COL4A1: variants seen among roughly 807,000 people sequenced by gnomAD.
COL4A1 encodes collagen type IV alpha 1 chain, also known as collagen alpha-1(IV) chain.
COL4A1 carries 40 observed loss-of-function variants against 216.6 expected under a neutral mutation model. The ratio of observed to expected loss-of-function variants is 0.18; its 90% CI spans 0.14 to 0.24. The LOEUF (loss-of-function observed/expected upper bound fraction) is 0.24. Ranked by LOEUF, COL4A1 falls within the 10% of genes least tolerant of loss-of-function variation. The pLI, the probability that COL4A1 is intolerant of heterozygous loss-of-function variation, is 1.00. For synonymous variants in COL4A1, 839 were observed against 810.7 expected (o/e 1.03, Z -0.59); for missense variants, 1,628 against 2,196.8 (o/e 0.74, Z 5.18).
chr13:110,297,795 G>T (rs1002459738), intron 1 of COL4A1, among the ~76,000 whole-genome samples: 3 of 152,176 alleles, frequency 2.0e-5, no homozygotes, highest in Non-Finnish European at 2.9e-5. Context: ...TCCTAATTCA[G>T]AGTAAGCGCT....
intron 1 of COL4A1, among the ~76,000 whole-genome samples, 190 bp downstream of exon 1, chr13:110,306,754 G>A (rs2139331185): frequency 6.6e-6 from 1 of 152,336 alleles, no homozygotes; most frequent in South Asian, 2.1e-4. Flanking sequence ...AACAAAGGAG[G>A]CTCGGTCCAC....
rs1334337576 is a variant in COL4A1 at position 110,207,553 on chromosome 13, CAGAG to C, written c.694-68_694-65del. On this transcript the variant is annotated intron_variant, in intron 12 of 51. Coordinates refer to ENST00000375820, the MANE Select transcript of COL4A1 (RefSeq NM_001845.6). This position sits in a 1 kb window ranked among gnomAD's most constrained non-coding sequence, Gnocchi z 4.4. ...ACAATTATGCAGACATGAAAAATTG[CAGAG>C]AGAGGTAAAAGCCTAAAATAAAACA... 4.5e-6 allele frequency: 6 copies of C among 1,329,738 alleles called. No individual in the cohort carries two copies. In the African/African-American group the frequency reaches 8.7e-5, roughly 19 times the overall value. The allele number at this position is 1,329,738 out of a possible 1,614,324, so 82.4% of individuals were successfully genotyped here. A position where few individuals can be genotyped will look rare whatever the true frequency, so the allele number is the denominator to read the frequency against.
Position 110,189,189 on chromosome 13 carries a change from G to C in COL4A1, c.1537-1860C>G, listed in dbSNP as rs76352948. Among the ~76,000 whole-genome samples the C allele has an allele frequency of 3.9e-5, 6 of 152,246 alleles. No homozygotes were observed. In the South Asian group the frequency reaches 1.0e-3, roughly 26 times the overall value. On this transcript the variant is annotated intron_variant, in intron 24 of 51. Transcript: ENST00000375820. ...AGAGATTCTCCTGCCTCAGCCTTCC[G>C]AGCAGCTGGGATTATAGGCATACGC...
intron 1 of COL4A1, among the ~76,000 whole-genome samples, chr13:110,251,066 T>A (rs193020331): frequency 6.6e-4 from 100 of 152,352 alleles, no homozygotes; most frequent in Middle Eastern, 3.4e-3. Context: ...GTGCCTATTT[T>A]ACAGGCACCC....
Position 110,252,614 on chromosome 13 carries a change from T to TAATTATACGTATATATGTATTATATAC in COL4A1, c.85-9881_85-9880insGTATATAATACATATATACGTATAATT, listed in dbSNP as rs1253782145. Among the ~76,000 whole-genome samples the TAATTATACGTATATATGTATTATATAC allele has an allele frequency of 6.8e-5, 4 of 58,634 alleles. No homozygotes were observed. The East Asian group carries it at 2.2e-3, about 32-fold the overall frequency. 38.5% of individuals were successfully genotyped at this position (58,634 alleles called of 152,430 possible). A position where few individuals can be genotyped will look rare whatever the true frequency, so the allele number is the denominator to read the frequency against. On this transcript the variant is annotated intron_variant, in intron 1 of 51. Transcript: ENST00000375820. The stretch of plus-strand genomic sequence containing the variant: ...ATTATACGTATATATGTATTATATA[T>TAATTATACGTATATATGTATTATATAC]GTATAATTGTATATATTATATATAC...
intron 36 of COL4A1, among the ~76,000 whole-genome samples, chr13:110,175,707 C>T (rs16975472): frequency 0.34 from 51,650 of 152,142 alleles, 8,843 homozygotes; most frequent in Non-Finnish European, 0.37. Context: ...CAGCTCTCAT[C>T]AGCCAGACGT....
In COL4A1 at chr13:110,161,311, A is replaced by T; in HGVS notation, c.4521T>A (p.Ile1507=). Residue 1507 remains isoleucine, a synonymous_variant, in exon 49 of 52, where the codon ATT becomes ATA. Transcript: ENST00000375820. ...FSTMPFLFCN[I]NNVCNFASRN... ...GTGATGCAAAGTTGCACACGTTGTTAATATTGCAGAACAGGAAGGGCATTG... is the reference window on the plus strand; with the variant it reads ...GTGATGCAAAGTTGCACACGTTGTTTATATTGCAGAACAGGAAGGGCATTG... 6.2e-7 allele frequency: 1 copy of T among 1,614,186 alleles called. No homozygotes were observed. Among genetic ancestry groups the T allele is most frequent in the Non-Finnish European group, 8.5e-7 (1 of 1,180,024 alleles).
intron 4 of COL4A1, 48 bp downstream of exon 4, chr13:110,213,734 C>A (rs1169442909): frequency 3.1e-6 from 5 of 1,592,936 alleles, no homozygotes; most frequent in Non-Finnish European, 4.3e-6. Flanking sequence ...TGGAAGCGGG[C>A]CTGTCCCACG....
chr13:110,183,148 TC>T, intron 27 of COL4A1, 35 bp downstream of exon 27: 1 of 1,612,666 alleles, frequency 6.2e-7, no homozygotes, highest in Non-Finnish European at 8.5e-7. Flanking sequence ...GAGGAAACTC[TC>T]GTGGTATCCC....
At chr13:110,231,014 A>T (rs1192307333) in intron 2 of COL4A1, among the ~76,000 whole-genome samples, 2 of 152,326 alleles carry the variant, frequency 1.3e-5, no homozygotes, top group Non-Finnish European at 2.9e-5. Context: ...CGTCAGGATG[A>T]TTAATGACGT....
rs1054086876 is a variant in COL4A1 at position 110,268,967 on chromosome 13, G to C, written c.85-26233C>G. Among the ~76,000 whole-genome samples the C allele has an allele frequency of 6.6e-6, 1 of 152,082 alleles. No homozygotes were observed. Among genetic ancestry groups the C allele is most frequent in the African/African-American group, 2.4e-5 (1 of 41,404 alleles). On this transcript the variant is annotated intron_variant, in intron 1 of 51. Coordinates refer to ENST00000375820, the MANE Select transcript of COL4A1 (RefSeq NM_001845.6). The surrounding 1 kb of genome is among the most constrained non-coding windows in gnomAD (Gnocchi z 4.1). ...CAACGTGCAAAAGCCGAACCTCCGC[G>C]CACCTCCACACGCCTTGCAGCACCA...
intron 31 of COL4A1, 42 bp from the exon 32 acceptor site, chr13:110,178,273 C>T (rs1451716582): frequency 1.2e-6 from 2 of 1,611,320 alleles, no homozygotes; most frequent in East Asian, 4.5e-5. Flanking sequence ...GCAGAATTTA[C>T]AGAATGATCT....
intron 45 of COL4A1, 82 bp downstream of exon 45, chr13:110,166,150 A>T: frequency 1.2e-6 from 1 of 854,966 alleles, no homozygotes; most frequent in Admixed American, 1.7e-5. Context: ...GAAAAACCAA[A>T]CACCCCAATT....
chr13:110,273,568 C>G (rs529192739), intron 1 of COL4A1, among the ~76,000 whole-genome samples: 1 of 152,180 alleles, frequency 6.6e-6, no homozygotes, highest in Admixed American at 6.5e-5. Context: ...TCAGATCCTA[C>G]AGTTAACTGT....
rs376372101 is a variant in COL4A1 at position 110,162,387 on chromosome 13, C to G, written c.4305G>C (p.Gly1435=). The G allele has an allele frequency of 2.5e-6, 4 of 1,614,166 alleles. No homozygotes were observed. The highest frequency in any genetic ancestry group is 3.4e-6 in the Non-Finnish European group (4 of 1,180,002). The change falls in exon 48 of 52, where the codon GGG becomes GGC. Residue 1435 remains glycine (G), a synonymous_variant. Coordinates refer to ENST00000375820, the MANE Select transcript of COL4A1 (RefSeq NM_001845.6). ...GATCAACAGATGGGGTGCCTGGGGG[C>G]CCCATGGATCCTGGCAACCCATCGG... ...PGPDGLPGSM[G]PPGTPSVDHG... is the part of the protein sequence containing the mutation.
chr13:110,164,251 C>T (rs1270956711), intron 46 of COL4A1, among the ~76,000 whole-genome samples: 1 of 152,068 alleles, frequency 6.6e-6, no homozygotes, highest in East Asian at 1.9e-4. Context: ...CCTCAGCCTC[C>T]CAAAAAGCCG....
At chr13:110,187,020 C>A in intron 25 of COL4A1, 118 bp downstream of exon 25, 1 of 1,322,654 alleles carries the variant, frequency 7.6e-7, no homozygotes, top group South Asian at 1.2e-5. Flanking sequence ...GAAACAAGTT[C>A]ATTTGTGCCA....
At chr13:110,155,439 G>A in intron 49 of COL4A1, 42 bp from the exon 50 acceptor site, 1 of 1,430,484 alleles carries the variant, frequency 7.0e-7, no homozygotes, top group Non-Finnish European at 9.8e-7. Context: ...CGGGGTGCAG[G>A]GCAGAGGCCG....
intron 1 of COL4A1, among the ~76,000 whole-genome samples, chr13:110,243,155 A>G (rs551347132): frequency 6.6e-6 from 1 of 151,896 alleles, no homozygotes; most frequent in Non-Finnish European, 1.5e-5. Context: ...GCTCCCAATG[A>G]CGTGGTCTCA....
Sources: gnomAD v4.1 joint callset for allele counts (sites outside exome capture counted in the v4.1 genomes callset) on GRCh38, gnomAD v4.1.1 for gene constraint, Gnocchi (gnomAD v3.1) non-coding constraint, MANE v1.5 for transcripts, NCBI Gene and HGNC (gene_info 2026-07-23, HGNC 2026-07-21) for gene names.